NUCKS1: variants seen among roughly 807,000 people sequenced by gnomAD.
The protein encoded by NUCKS1 is nuclear casein kinase and cyclin dependent kinase substrate 1.
Under a neutral mutation model 33.0 loss-of-function variants are expected in NUCKS1, and 2 were observed. The ratio of observed to expected loss-of-function variants is 0.06; its 90% CI spans 0.02 to 0.19. The LOEUF is 0.19. Among genes scored for constraint, NUCKS1 ranks in the 10% least tolerant of loss-of-function variants. The pLI, the probability that NUCKS1 is intolerant of heterozygous loss-of-function variation, is 1.00. For synonymous variants in NUCKS1, 106 were observed against 102.8 expected (o/e 1.03, Z -0.19); for missense variants, 201 against 293.6 (o/e 0.68, Z 2.31).
At chr1:205,744,680 T>A (rs994862833) in intron 1 of NUCKS1, among the ~76,000 whole-genome samples, 1 of 114,662 alleles carries the variant, frequency 8.7e-6, no homozygotes, top group Non-Finnish European at 1.7e-5. Flanking sequence ...TTGCCCAGGC[T>A]CCAGTGCAAT....
In NUCKS1 at chr1:205,750,114, C is replaced by T; in HGVS notation, c.-141G>A. On this transcript the variant is annotated 5_prime_UTR_variant, in exon 1 of 7. Coordinates refer to ENST00000367142, the MANE Select transcript of NUCKS1 (RefSeq NM_022731.5). Reference sequence around the variant, plus strand: ...CCCCGAGCTGCTGGCTTCTCAAACTCCGCTGCTCTTTGGTTCAGGGCTCCT... The same window carrying T: ...CCCCGAGCTGCTGGCTTCTCAAACTTCGCTGCTCTTTGGTTCAGGGCTCCT... 2 of 874,814 alleles carry T rather than the reference C, an allele frequency of 2.3e-6. No homozygotes were observed. Among genetic ancestry groups the T allele is most frequent in the East Asian group, 2.9e-5 (1 of 34,616 alleles). The allele number at this position is 874,814 out of a possible 1,614,324, so 54.2% of individuals were successfully genotyped here. A position where few individuals can be genotyped will look rare whatever the true frequency, so the allele number is the denominator to read the frequency against.
rs1377811093 is a variant in NUCKS1 at position 205,713,619 on chromosome 1, TTTAAA to T, written c.*4656_*4660del. ...TCATGTTCACTTCAACCCCATTTCA[TTTAAA>T]TTAAAGAAAAAAACCTTTTAAATAA... On this transcript the variant is annotated 3_prime_UTR_variant, in exon 7 of 7. Coordinates refer to ENST00000367142, the MANE Select transcript of NUCKS1 (RefSeq NM_022731.5). 2 of 152,340 alleles carry T rather than the reference TTTAAA, an allele frequency of 1.3e-5. No individual in the cohort carries two copies. The highest frequency in any genetic ancestry group is 1.5e-5 in the Non-Finnish European group (1 of 68,034). 9.4% of individuals were successfully genotyped at this position (152,340 alleles called of 1,614,324 possible). A position where few individuals can be genotyped will look rare whatever the true frequency, so the allele number is the denominator to read the frequency against.
In NUCKS1 at chr1:205,718,285, C is replaced by G. The variant is rs1302343305; in HGVS notation, c.727G>C (p.Asp243His). The change falls in exon 7 of 7, where the codon GAT (aspartate) becomes CAT (histidine). Residue 243 changes from aspartate (D) to histidine (H), a missense_variant. Physicochemically the swap from Asp to His is moderately conservative, Grantham distance 81. Coordinates refer to ENST00000367142, the MANE Select transcript of NUCKS1 (RefSeq NM_022731.5). ...GSEDEAPSGED is the reference protein window; with the variant it reads ...GSEDEAPSGEH The stretch of plus-strand genomic sequence containing the variant: ...TCCCCAGACCATCATCACTTTTAAT[C>G]CTCCCCAGAAGGGGCTTCATCTTCA... The G allele has an allele frequency of 6.2e-7, 1 of 1,606,174 alleles. No homozygotes were observed. The highest frequency in any genetic ancestry group is 8.5e-7 in the Non-Finnish European group (1 of 1,177,390).
chr1:205,742,108 C>T (rs915060137), intron 1 of NUCKS1, among the ~76,000 whole-genome samples: 3 of 152,156 alleles, frequency 2.0e-5, no homozygotes, highest in African/African-American at 7.2e-5. Flanking sequence ...GATAGCAGCA[C>T]CGACTTTTAC....
In NUCKS1 at chr1:205,718,276, A is replaced by G. The variant is rs778672041; in HGVS notation, c.*4T>C. 3 of 1,580,068 alleles carry G rather than the reference A, an allele frequency of 1.9e-6. No homozygotes were observed. The highest frequency in any genetic ancestry group is 2.6e-6 in the Non-Finnish European group (3 of 1,165,930). On this transcript the variant is annotated 3_prime_UTR_variant, in exon 7 of 7. Transcript: ENST00000367142. The stretch of plus-strand genomic sequence containing the variant: ...TAAAATCTCTCCCCAGACCATCATC[A>G]CTTTTAATCCTCCCCAGAAGGGGCT...
chr1:205,722,801 C>T (rs1310580370), intron 4 of NUCKS1, among the ~76,000 whole-genome samples: 1 of 152,218 alleles, frequency 6.6e-6, no homozygotes, highest in Non-Finnish European at 1.5e-5. Context: ...TAGTCTCTAC[C>T]TACAGCCCTT....
intron 1 of NUCKS1, among the ~76,000 whole-genome samples, chr1:205,743,210 T>G (rs1454721238): frequency 6.6e-6 from 1 of 152,240 alleles, no homozygotes; most frequent in Non-Finnish European, 1.5e-5. Context: ...ACCAAAAACT[T>G]TTATTCAAAA....
At chr1:205,749,590 G>A (rs1014157509) in intron 1 of NUCKS1, among the ~76,000 whole-genome samples, 2 of 152,104 alleles carry the variant, frequency 1.3e-5, no homozygotes, top group Non-Finnish European at 2.9e-5. Flanking sequence ...TCCCCGCGCT[G>A]GCTCCAAGGG....
chr1:205,742,837 AT>A (rs1157319323), intron 1 of NUCKS1, among the ~76,000 whole-genome samples: 2 of 152,068 alleles, frequency 1.3e-5, no homozygotes, highest in Non-Finnish European at 2.9e-5. Flanking sequence ...AGAAAAAAAA[AT>A]AAATAAATAA....
At chr1:205,747,007 T>A (rs1205568030) in intron 1 of NUCKS1, among the ~76,000 whole-genome samples, 1 of 152,206 alleles carries the variant, frequency 6.6e-6, no homozygotes, top group Non-Finnish European at 1.5e-5. Flanking sequence ...AATCTGAGCT[T>A]TCTTTCTCAC....
chr1:205,721,242 AAACC>A (rs1671911432), intron 4 of NUCKS1, among the ~76,000 whole-genome samples: 1 of 152,130 alleles, frequency 6.6e-6, no homozygotes, highest in Non-Finnish European at 1.5e-5. Flanking sequence ...CGTATGTAAC[AAACC>A]TGCACATCCT....
At chr1:205,743,140 G>A (rs544129075) in intron 1 of NUCKS1, among the ~76,000 whole-genome samples, 54 of 152,166 alleles carry the variant, frequency 3.5e-4, no homozygotes, top group Non-Finnish European at 6.2e-4. Flanking sequence ...GTATCCCAGC[G>A]TTACACAGTA....
At chr1:205,746,463 A>T (rs1167565291) in intron 1 of NUCKS1, among the ~76,000 whole-genome samples, 1 of 142,650 alleles carries the variant, frequency 7.0e-6, no homozygotes, top group African/African-American at 2.6e-5. Flanking sequence ...TCACACACAC[A>T]CACACACACA....
At position 205,718,043 on chromosome 1, in the gene NUCKS1, C is replaced by T. The variant is rs1571567794; in HGVS notation, c.*237G>A. On this transcript the variant is annotated 3_prime_UTR_variant, in exon 7 of 7. Coordinates refer to ENST00000367142, the MANE Select transcript of NUCKS1 (RefSeq NM_022731.5). ...GAGGGCTGGCAAAGAGACCAATAGA[C>T]AAAAAGGTAACTTAAACACTTACAC... 2 of 1,087,060 alleles carry T rather than the reference C, an allele frequency of 1.8e-6. No individual in the cohort carries two copies. Among genetic ancestry groups the T allele is most frequent in the Admixed American group, 6.3e-5 (1 of 15,900 alleles). 67.3% of individuals were successfully genotyped at this position (1,087,060 alleles called of 1,614,324 possible). A position where few individuals can be genotyped will look rare whatever the true frequency, so the allele number is the denominator to read the frequency against.
At position 205,716,125 on chromosome 1, in the gene NUCKS1, A is replaced by T. The variant is rs1671819707; in HGVS notation, c.*2155T>A. The T allele has an allele frequency of 6.6e-6, 1 of 152,220 alleles. No homozygotes were observed. Among genetic ancestry groups the T allele is most frequent in the Non-Finnish European group, 1.5e-5 (1 of 68,036 alleles). 9.4% of individuals were successfully genotyped at this position (152,220 alleles called of 1,614,324 possible). ...CAAGAAGCCCAATCAAATGCACACAAGTAATCTAGAAGACATGATTACCTC... is the reference window on the plus strand; with the variant it reads ...CAAGAAGCCCAATCAAATGCACACATGTAATCTAGAAGACATGATTACCTC... On this transcript the variant is annotated 3_prime_UTR_variant, in exon 7 of 7. Transcript: ENST00000367142.
intron 6 of NUCKS1, 91 bp downstream of exon 6, chr1:205,719,436 G>A (rs920025425): frequency 6.6e-6 from 9 of 1,359,450 alleles, no homozygotes; most frequent in African/African-American, 5.8e-5. Context: ...TCAGGCCAAT[G>A]CCAAATCCTA....
chr1:205,735,105 GT>G, intron 1 of NUCKS1, among the ~76,000 whole-genome samples: 1 of 152,248 alleles, frequency 6.6e-6, no homozygotes, highest in African/African-American at 2.4e-5. Flanking sequence ...GGCATGAGAG[GT>G]TCTATTTCTA....
In NUCKS1 at chr1:205,712,970, G is replaced by GT. The variant is rs1161951376; in HGVS notation, c.*5309dup. The GT allele has an allele frequency of 1.3e-5, 2 of 152,170 alleles. No individual in the cohort carries two copies. Among genetic ancestry groups the GT allele is most frequent in the Non-Finnish European group, 2.9e-5 (2 of 68,042 alleles). 9.4% of individuals were successfully genotyped at this position (152,170 alleles called of 1,614,324 possible). ...AGTGCTCCCTTAATTAATCAAACTG[G>GT]TAAGTCTACTGCTTCTTGATTCCAT... On this transcript the variant is annotated 3_prime_UTR_variant, in exon 7 of 7. Transcript: ENST00000367142.
chr1:205,718,228 T>C lies in NUCKS1; in HGVS notation c.*52A>G. ...TCTTTTTTTTCCTCCCTCTTTTTTC[T>C]TTTTTTTTCTTTTTTTTTTTAATAA... is the stretch of plus-strand genomic sequence containing the variant. On this transcript the variant is annotated 3_prime_UTR_variant, in exon 7 of 7. Transcript: ENST00000367142. 1 of 856,222 alleles carries C rather than the reference T, an allele frequency of 1.2e-6. No individual in the cohort carries two copies. The highest frequency in any genetic ancestry group is 2.1e-5 in the African/African-American group (1 of 48,458). The allele number at this position is 856,222 out of a possible 1,614,324, so 53.0% of individuals were successfully genotyped here.
Sources: allele counts gnomAD v4.1 joint callset (sites outside exome capture counted in the v4.1 genomes callset), GRCh38; gene constraint gnomAD v4.1.1; transcripts MANE v1.5; gene names NCBI Gene and HGNC (gene_info 2026-07-23, HGNC 2026-07-21).